Variants in FOXR1 observed in about 807,000 individuals in gnomAD.
FOXR1 encodes forkhead box R1.
Under a neutral mutation model 34.5 loss-of-function variants are expected in FOXR1, and 25 were observed. That is an observed-to-expected ratio of 0.72 (90% CI 0.53 to 1.01). The LOEUF (loss-of-function observed/expected upper bound fraction) is 1.01. Ranked by LOEUF, FOXR1 falls within the 50% of genes least tolerant of loss-of-function variation. The pLI, the probability that FOXR1 is intolerant of heterozygous loss-of-function variation, is 0.00. For synonymous variants in FOXR1, 153 were observed against 141.6 expected (o/e 1.08, Z -0.57); for missense variants, 373 against 376.2 (o/e 0.99, Z 0.07).
At chr11:118,973,272 G>T (rs1941738117) in intron 1 of FOXR1, among the ~76,000 whole-genome samples, 1 of 152,094 alleles carries the variant, frequency 6.6e-6, no homozygotes, top group Non-Finnish European at 1.5e-5. Flanking sequence ...ACATTCTACT[G>T]GGGGCAGACA....
chr11:118,979,155 A>G lies in FOXR1; in HGVS notation c.335A>G (p.Lys112Arg). ...GVESLSQSSSKRSPPRKRFAF... is the reference protein window; with the variant it reads ...GVESLSQSSSRRSPPRKRFAF... ...GAATCACTGTCCCAGTCCTCCAGCAAGCGGTCTCCCCCTCGGAAGCGGTTT... is the reference window on the plus strand; with the variant it reads ...GAATCACTGTCCCAGTCCTCCAGCAGGCGGTCTCCCCCTCGGAAGCGGTTT... Residue 112 changes from lysine to arginine, a missense_variant, in exon 3 of 6, where the codon AAG becomes AGG. Lys to Arg is a conservative substitution (Grantham distance 26). Transcript: ENST00000317011. The G allele has an allele frequency of 6.4e-7, 1 of 1,567,614 alleles. No homozygotes were observed. Among genetic ancestry groups the G allele is most frequent in the Non-Finnish European group, 8.6e-7 (1 of 1,160,242 alleles).
intron 1 of FOXR1, among the ~76,000 whole-genome samples, chr11:118,973,500 A>G (rs1158604871): frequency 1.3e-5 from 2 of 152,002 alleles, no homozygotes; most frequent in East Asian, 3.9e-4. Flanking sequence ...CCCGGGTTCA[A>G]GTGATTCTCC....
intron 1 of FOXR1, among the ~76,000 whole-genome samples, chr11:118,977,166 G>A (rs1037914584): frequency 6.6e-6 from 1 of 152,022 alleles, no homozygotes; most frequent in Non-Finnish European, 1.5e-5. Context: ...AAGTAGCTGG[G>A]ACTACAGGTA....
intron 1 of FOXR1, among the ~76,000 whole-genome samples, chr11:118,977,155 C>CA (rs1212168964): frequency 2.0e-5 from 3 of 152,024 alleles, no homozygotes; most frequent in African/African-American, 7.3e-5. Flanking sequence ...CTCAGCCTCC[C>CA]AAGTAGCTGG....
chr11:118,975,159 A>G (rs1941764605), intron 1 of FOXR1, among the ~76,000 whole-genome samples: 1 of 152,158 alleles, frequency 6.6e-6, no homozygotes, highest in Admixed American at 6.5e-5. Flanking sequence ...AAAAAAGACT[A>G]TTGAGAATCA....
intron 1 of FOXR1, among the ~76,000 whole-genome samples, chr11:118,978,077 G>T (rs1325954896): frequency 6.6e-6 from 1 of 152,108 alleles, no homozygotes; most frequent in Non-Finnish European, 1.5e-5. Flanking sequence ...AATTAGCCGG[G>T]TGTGGTGGCG....
At chr11:118,973,697 CTTT>C (rs33940358) in intron 1 of FOXR1, among the ~76,000 whole-genome samples, 2 of 137,074 alleles carry the variant, frequency 1.5e-5, no homozygotes, top group Non-Finnish European at 3.1e-5. Flanking sequence ...ACCCGGCCTT[CTTT>C]TTTTTTTTTT....
At chr11:118,978,901 G>C (rs1309049574) in intron 2 of FOXR1, 45 bp downstream of exon 2, 3 of 1,614,032 alleles carry the variant, frequency 1.9e-6, no homozygotes, top group Non-Finnish European at 2.5e-6. Flanking sequence ...CTGGGCTGGA[G>C]ACCAGGGGCA....
chr11:118,973,465 T>G (rs925024305), intron 1 of FOXR1, among the ~76,000 whole-genome samples: 1 of 152,112 alleles, frequency 6.6e-6, no homozygotes, highest in Admixed American at 6.6e-5. Context: ...TTGCCCACGC[T>G]GCAGTGGTGC....
intron 1 of FOXR1, among the ~76,000 whole-genome samples, chr11:118,974,286 A>C (rs1386771433): frequency 1.3e-5 from 2 of 152,222 alleles, no homozygotes; most frequent in Non-Finnish European, 2.9e-5. Flanking sequence ...GTGCAGTGGC[A>C]CAATTACCTC....
At chr11:118,972,397 A>G (rs1210893891) in intron 1 of FOXR1, among the ~76,000 whole-genome samples, 2 of 151,848 alleles carry the variant, frequency 1.3e-5, no homozygotes, top group Non-Finnish European at 1.5e-5. Context: ...TCCGTCTCTT[A>G]AAAAAACAGG....
intron 1 of FOXR1, 72 bp downstream of exon 1, chr11:118,972,064 G>T (rs1299473920): frequency 5.5e-6 from 7 of 1,279,556 alleles, no homozygotes; most frequent in Non-Finnish European, 6.1e-6. Flanking sequence ...CGGGACCCCG[G>T]GGCAGACGGC....
intron 1 of FOXR1, among the ~76,000 whole-genome samples, chr11:118,977,177 C>T (rs964767595): frequency 4.6e-5 from 7 of 152,000 alleles, no homozygotes; most frequent in African/African-American, 1.7e-4. Context: ...ACTACAGGTA[C>T]ACACCACCAA....
chr11:118,978,726 G>A, intron 1 of FOXR1, 56 bp from the exon 2 acceptor site: 1 of 1,586,008 alleles, frequency 6.3e-7, no homozygotes, highest in Non-Finnish European at 8.7e-7. Context: ...AGGATCCTAG[G>A]GTCACAAAGG....
At chr11:118,972,122 G>GCCC in intron 1 of FOXR1, 130 bp downstream of exon 1, 1 of 482,500 alleles carries the variant, frequency 2.1e-6, no homozygotes, top group Non-Finnish European at 3.0e-6. Context: ...GGGGCCGAGC[G>GCCC]CCCCGCGCCC....
chr11:118,979,700 A>T lies in FOXR1; in HGVS notation c.611+32A>T, dbSNP rs77384821. 2.8e-3 allele frequency: 4,333 copies of T among 1,542,456 alleles called. 73 individuals carry two copies. Among genetic ancestry groups the T allele is most frequent in the South Asian group, 0.024 (1,943 of 79,958 alleles). The stretch of plus-strand genomic sequence containing the variant: ...GCCGGGGGCCCTGCGAGGAGGGGGA[A>T]GTGGGGGCCAGGGCCCCGGGCTGAT... On this transcript the variant is annotated intron_variant, in intron 4 of 5. Transcript: ENST00000317011.
At chr11:118,979,388 C>A in intron 3 of FOXR1, 54 bp from the exon 4 acceptor site, 1 of 1,508,266 alleles carries the variant, frequency 6.6e-7, no homozygotes, top group Non-Finnish European at 8.9e-7. Context: ...TGCCACTGCA[C>A]CCTGGAGTAG....
chr11:118,974,666 ACT>A (rs771723241), intron 1 of FOXR1, among the ~76,000 whole-genome samples: 10 of 152,132 alleles, frequency 6.6e-5, no homozygotes, highest in Non-Finnish European at 1.5e-4. Flanking sequence ...TGAAAAGATC[ACT>A]CTGGCTGTTG....
chr11:118,976,672 T>A (rs910371528), intron 1 of FOXR1, among the ~76,000 whole-genome samples: 1 of 152,246 alleles, frequency 6.6e-6, no homozygotes, highest in African/African-American at 2.4e-5. Context: ...CCTGCCTGAT[T>A]GCTCTTAACA....
Sources: gnomAD v4.1 joint callset for allele counts (sites outside exome capture counted in the v4.1 genomes callset) on GRCh38, gnomAD v4.1.1 for gene constraint, MANE v1.5 for transcripts, NCBI Gene and HGNC (gene_info 2026-07-23, HGNC 2026-07-21) for gene names.